Variants in PRKAR1B observed in about 807,000 individuals in gnomAD.
PRKAR1B encodes protein kinase cAMP-dependent type I regulatory subunit beta.
A neutral mutation model predicts 46.5 loss-of-function variants in PRKAR1B; 22 were observed. That is an observed-to-expected ratio of 0.47 (90% CI 0.34 to 0.68). PRKAR1B has a LOEUF of 0.68. PRKAR1B is among the 30% of genes least tolerant of loss of function. PRKAR1B has a pLI of 0.01. For missense variants in PRKAR1B, 445 were observed against 535.6 expected (o/e 0.83, Z 1.67); for synonymous variants, 259 against 217.7 (o/e 1.19, Z -1.67).
At chr7:561,080 A>G (rs556573670) in intron 9 of PRKAR1B, among the ~76,000 whole-genome samples, 1 of 152,252 alleles carries the variant, frequency 6.6e-6, no homozygotes, top group Admixed American at 6.5e-5. Context: ...ACCTGCGCAC[A>G]CACACACTGG....
chr7:682,771 A>C (rs1010087715), intron 2 of PRKAR1B, among the ~76,000 whole-genome samples: 1 of 152,058 alleles, frequency 6.6e-6, no homozygotes, highest in African/African-American at 2.4e-5. Flanking sequence ...TTTTAAGGAA[A>C]AGAGATTTCA....
In PRKAR1B at chr7:711,369, G is replaced by T; in HGVS notation, c.137C>A (p.Pro46His). The change falls in exon 2 of 11, where the codon CCC becomes CAC. Residue 46 changes from proline (P) to histidine (H), a missense_variant. Physicochemically the swap from Pro to His is moderately conservative, Grantham distance 77 (BLOSUM62 -2). Transcript: ENST00000537384. ...GAAGTGCTCCCGGAGGAACTTCATG[G>T]GGCGTTCGGGCTTGGAGATGCAGAG... Reference protein sequence around the residue: ...VHLCISKPERPMKFLREHFEK... With the variant: ...VHLCISKPERHMKFLREHFEK... 2.5e-6 allele frequency: 4 copies of T among 1,614,200 alleles called. No homozygotes were observed. Among genetic ancestry groups the T allele is most frequent in the Non-Finnish European group, 3.4e-6 (4 of 1,180,022 alleles).
At chr7:617,607 T>G (rs1782899722) in intron 4 of PRKAR1B, among the ~76,000 whole-genome samples, 1 of 152,322 alleles carries the variant, frequency 6.6e-6, no homozygotes, top group Middle Eastern at 3.4e-3. Flanking sequence ...CCCTGTAGGT[T>G]AAGAACAGTC....
intron 9 of PRKAR1B, among the ~76,000 whole-genome samples, chr7:563,452 G>C (rs747331216): frequency 5.3e-5 from 8 of 152,356 alleles, no homozygotes; most frequent in Non-Finnish European, 1.0e-4. Context: ...ACAGCCCCCC[G>C]GCTTGGGTGG....
chr7:647,148 C>A (rs953667562), intron 4 of PRKAR1B, among the ~76,000 whole-genome samples: 1 of 152,204 alleles, frequency 6.6e-6, no homozygotes, highest in African/African-American at 2.4e-5. Context: ...ACTCTTGTGG[C>A]CAAAACCAGC....
chr7:680,577 G>A lies in PRKAR1B; in HGVS notation c.327C>T (p.Asp109=), dbSNP rs558009253. Residue 109 remains aspartate, a synonymous_variant, in exon 3 of 11, where the codon GAC becomes GAT. Transcript: ENST00000537384. ...TCACCTTCCTGACGTAGGACACGGCGTCCTCCTCGGTGTACACCTCGGCAC... is the reference window on the plus strand; with the variant it reads ...TCACCTTCCTGACGTAGGACACGGCATCCTCCTCGGTGTACACCTCGGCAC... ...GVSAEVYTEE[D]AVSYVRKVIP... 1.2e-5 allele frequency: 19 copies of A among 1,611,186 alleles called. No homozygotes were observed. Among genetic ancestry groups the A allele is most frequent in the African/African-American group, 4.0e-5 (3 of 74,946 alleles).
chr7:728,393 T>C (rs1047362776), upstream of PRKAR1B, among the ~76,000 whole-genome samples: 4 of 152,138 alleles, frequency 2.6e-5, no homozygotes, highest in Admixed American at 6.5e-5. Flanking sequence ...GGGGTGTCAA[T>C]AGAAGTGATA....
At chr7:707,095 G>C (rs1327199736) in intron 2 of PRKAR1B, among the ~76,000 whole-genome samples, 1 of 152,220 alleles carries the variant, frequency 6.6e-6, no homozygotes, top group Non-Finnish European at 1.5e-5. Context: ...AGACTCCATG[G>C]AATTTTAGGG....
Position 596,250 on chromosome 7 carries a change from C to A in PRKAR1B, c.604G>T (p.Glu202Ter). Residue 202 changes from glutamate to a stop codon, truncating the protein, a stop_gained, in exon 7 of 11, where the codon GAG (glutamate) becomes TAG (stop). Coordinates refer to ENST00000537384, the MANE Select transcript of PRKAR1B (RefSeq NM_001164760.2). LOFTEE classifies it high-confidence loss of function. ...GGGGTGCCGTAGATGAGCGCCAGCT[C>A]CCCGAAGCTGCCTCCCTCGCTGATG... ...TNISEGGSFGELALIYGTPRA... is the reference protein window; with the variant it reads ...TNISEGGSFG The A allele has an allele frequency of 6.2e-7, 1 of 1,614,006 alleles. No individual in the cohort carries two copies. Among genetic ancestry groups the A allele is most frequent in the Non-Finnish European group, 8.5e-7 (1 of 1,179,942 alleles).
intron 4 of PRKAR1B, among the ~76,000 whole-genome samples, chr7:651,061 G>A (rs189281079): frequency 3.3e-4 from 51 of 152,308 alleles, no homozygotes; most frequent in African/African-American, 9.9e-4. Context: ...AAGCTTCCCC[G>A]GGTTCCTGCT....
intron 4 of PRKAR1B, among the ~76,000 whole-genome samples, chr7:626,317 C>G (rs574756190): frequency 6.6e-6 from 1 of 152,220 alleles, no homozygotes; most frequent in East Asian, 1.9e-4. Flanking sequence ...CATAGCAATA[C>G]CTCATCTCTA....
Position 607,374 on chromosome 7 carries a change from G to T in PRKAR1B, c.502+17C>A. ...TTCCCCTCTGGACTTTGGCTCCGAGGAGCAGGCAGAACGTACCTTGCTGTA... is the reference window on the plus strand; with the variant it reads ...TTCCCCTCTGGACTTTGGCTCCGAGTAGCAGGCAGAACGTACCTTGCTGTA... On this transcript the variant is annotated intron_variant, in intron 5 of 10. Transcript: ENST00000537384. 6.2e-7 allele frequency: 1 copy of T among 1,610,488 alleles called. No individual in the cohort carries two copies. The highest frequency in any genetic ancestry group is 8.5e-7 in the Non-Finnish European group (1 of 1,177,088).
chr7:615,516 G>A (rs1170840423), intron 4 of PRKAR1B, among the ~76,000 whole-genome samples: 1 of 150,506 alleles, frequency 6.6e-6, no homozygotes, highest in Non-Finnish European at 1.5e-5. Flanking sequence ...AAAAAAGGAA[G>A]AAAGGAAAGA....
chr7:566,662 C>CACCACCACCATTATCACT (rs1385798624), intron 9 of PRKAR1B, among the ~76,000 whole-genome samples: 7 of 1,072 alleles, frequency 6.5e-3, no homozygotes, highest in Middle Eastern at 0.17. Context: ...CCATCATCAC[C>CACCACCACCATTATCACT]ATCACCTTCA....
intron 6 of PRKAR1B, among the ~76,000 whole-genome samples, chr7:600,454 C>T (rs1781525205): frequency 2.6e-5 from 4 of 152,154 alleles, no homozygotes; most frequent in South Asian, 2.1e-4. Flanking sequence ...ATCACGCCAC[C>T]GCACTCCCAG....
At chr7:631,629 C>T (rs1187321743) in intron 4 of PRKAR1B, among the ~76,000 whole-genome samples, 3 of 152,176 alleles carry the variant, frequency 2.0e-5, no homozygotes, top group Non-Finnish European at 1.5e-5. Flanking sequence ...CCACTGTCCT[C>T]CGAGCACACT....
intron 9 of PRKAR1B, among the ~76,000 whole-genome samples, chr7:577,465 C>T (rs964068680): frequency 2.0e-5 from 3 of 149,428 alleles, no homozygotes; most frequent in African/African-American, 2.4e-5. Flanking sequence ...CCTTGAGGGC[C>T]GGAGACATGG....
chr7:695,171 C>T (rs996025820), intron 2 of PRKAR1B, among the ~76,000 whole-genome samples: 9 of 152,206 alleles, frequency 5.9e-5, no homozygotes, highest in Non-Finnish European at 1.0e-4. Flanking sequence ...CAGCTACTCA[C>T]AGTCGCTCTG....
chr7:708,887 G>T (rs1240624161), intron 2 of PRKAR1B, among the ~76,000 whole-genome samples: 2 of 151,006 alleles, frequency 1.3e-5, no homozygotes, highest in Non-Finnish European at 2.9e-5. Flanking sequence ...CACCTCCCGG[G>T]TTCAAGCCAA....
Sources: gnomAD v4.1 joint callset for allele counts (sites outside exome capture counted in the v4.1 genomes callset) on GRCh38, gnomAD v4.1.1 for gene constraint, MANE v1.5 for transcripts, NCBI Gene and HGNC (gene_info 2026-07-23, HGNC 2026-07-21) for gene names.